The following ANXA3 variants were observed in gnomAD, a reference collection of about 807,000 sequenced individuals.
ANXA3 encodes the protein 35-alpha calcimedin.
In ANXA3, 46 loss-of-function variants were observed where a neutral mutation model predicts 48.8. The ratio of observed to expected loss-of-function variants is 0.94; its 90% CI spans 0.74 to 1.21. The LOEUF is 1.21. Among genes scored for constraint, ANXA3 ranks in the 50% most tolerant of loss-of-function variants. The probability of loss-of-function intolerance (pLI) is 0.00; values close to 1 mark genes in which losing one functional copy is unlikely to be tolerated. For missense variants in ANXA3, 383 were observed against 378.6 expected (o/e 1.01, Z -0.10); for synonymous variants, 128 against 134.7 (o/e 0.95, Z 0.35).
At position 78,578,168 on chromosome 4, in the gene ANXA3, C is replaced by G. The variant is rs546322875; in HGVS notation, c.104-859C>G. On this transcript the variant is annotated intron_variant, in intron 3 of 12. Transcript: ENST00000264908. ...TGATTGCACATGCCTGTAATCCCAGCTACTTGGGAGACTGAGGCAGGAGAA... is the reference window on the plus strand; with the variant it reads ...TGATTGCACATGCCTGTAATCCCAGGTACTTGGGAGACTGAGGCAGGAGAA... 2.0e-4 allele frequency among the ~76,000 whole-genome samples: 31 copies of G among 151,768 alleles called. 1 individual carries two copies. The highest frequency in any genetic ancestry group is 2.6e-4 in the Non-Finnish European group (18 of 67,952).
At chr4:78,578,836 C>T (rs1200907400) in intron 3 of ANXA3, among the ~76,000 whole-genome samples, 191 bp from the exon 4 acceptor site, 1 of 146,198 alleles carries the variant, frequency 6.8e-6, no homozygotes, top group African/African-American at 2.6e-5. Context: ...TTTTTTTTTC[C>T]AAAACTCAGG....
chr4:78,588,220 C>A (rs1995062), intron 6 of ANXA3, among the ~76,000 whole-genome samples: 103,061 of 151,844 alleles, frequency 0.68, 35,196 homozygotes, highest in East Asian at 0.87. Flanking sequence ...GACAAAACCC[C>A]GTCTCTATAA....
intron 2 of ANXA3, among the ~76,000 whole-genome samples, chr4:78,563,128 C>G (rs1050285308): frequency 1.3e-5 from 2 of 152,126 alleles, no homozygotes; most frequent in African/African-American, 2.4e-5. Flanking sequence ...AAATTTGCTG[C>G]AACTTCTTGT....
At chr4:78,595,464 C>T (rs890296103) in intron 8 of ANXA3, 27 bp downstream of exon 8, 1 of 1,611,366 alleles carries the variant, frequency 6.2e-7, no homozygotes, top group Non-Finnish European at 8.5e-7. Flanking sequence ...GAAAACATTT[C>T]CTTTACCTAT....
chr4:78,597,900 T>C (rs904130974), intron 10 of ANXA3, among the ~76,000 whole-genome samples: 7 of 152,308 alleles, frequency 4.6e-5, no homozygotes, highest in South Asian at 2.1e-4. Flanking sequence ...AGGTGTGAGC[T>C]ACCACATCCA....
intron 12 of ANXA3, among the ~76,000 whole-genome samples, chr4:78,608,156 C>G (rs1031678111): frequency 8.5e-5 from 13 of 152,050 alleles, no homozygotes; most frequent in Non-Finnish European, 4.4e-5. Flanking sequence ...ACATTTTCTG[C>G]CCTTATGGAA....
At chr4:78,565,605 A>G (rs955307731) in intron 2 of ANXA3, among the ~76,000 whole-genome samples, 2 of 152,192 alleles carry the variant, frequency 1.3e-5, no homozygotes, top group African/African-American at 4.8e-5. Context: ...CAAATTGGCG[A>G]TGAGCACAGA....
At chr4:78,597,835 A>T (rs533993756) in intron 10 of ANXA3, among the ~76,000 whole-genome samples, 13 of 152,080 alleles carry the variant, frequency 8.5e-5, no homozygotes, top group Middle Eastern at 6.8e-3. Flanking sequence ...GCTGGTCGTG[A>T]ACTCCTGAGC....
At chr4:78,597,848 A>G (rs1040437754) in intron 10 of ANXA3, among the ~76,000 whole-genome samples, 1 of 152,118 alleles carries the variant, frequency 6.6e-6, no homozygotes, top group Non-Finnish European at 1.5e-5. Context: ...TCCTGAGCTC[A>G]AGCAATCCAT....
chr4:78,562,173 A>T (rs1375601187), intron 2 of ANXA3, among the ~76,000 whole-genome samples: 2 of 152,184 alleles, frequency 1.3e-5, no homozygotes, highest in Non-Finnish European at 2.9e-5. Flanking sequence ...AAAGTGGAGA[A>T]GGTATGATTT....
intron 2 of ANXA3, among the ~76,000 whole-genome samples, chr4:78,561,735 G>A (rs1480164362): frequency 2.0e-5 from 3 of 152,006 alleles, no homozygotes; most frequent in East Asian, 1.9e-4. Context: ...AGCAGAACAG[G>A]CATCTTTCCT....
rs17003373 is a variant in ANXA3, at chr4:78,590,667, G to A, written c.404-877G>A. 8.7e-3 allele frequency among the ~76,000 whole-genome samples: 1,327 copies of A among 152,172 alleles called. 23 individuals are homozygous for A. Among genetic ancestry groups the A allele is most frequent in the African/African-American group, 0.03 (1,238 of 41,468 alleles). On this transcript the variant is annotated intron_variant, in intron 6 of 12. Coordinates refer to ENST00000264908, the MANE Select transcript of ANXA3 (RefSeq NM_005139.3). The stretch of plus-strand genomic sequence containing the variant: ...ATGCAAAAGGGGCTACAACTAGTCA[G>A]TACTAAAATATATGAACACACAGTT...
chr4:78,572,059 T>G (rs1446206230), intron 2 of ANXA3, among the ~76,000 whole-genome samples: 1 of 152,192 alleles, frequency 6.6e-6, no homozygotes, highest in Admixed American at 6.5e-5. Context: ...TAAACCACAG[T>G]TACTTCTGTG....
intron 7 of ANXA3, among the ~76,000 whole-genome samples, chr4:78,592,541 CTGTT>C (rs1723321738): frequency 6.6e-6 from 1 of 152,188 alleles, no homozygotes; most frequent in African/African-American, 2.4e-5. Flanking sequence ...AAGTGCACAT[CTGTT>C]TGTGTATGGA....
intron 8 of ANXA3, 103 bp downstream of exon 8, chr4:78,595,540 CTT>C (rs112477936): frequency 3.0e-3 from 2,893 of 969,114 alleles, no homozygotes; most frequent in East Asian, 4.3e-3. Context: ...AGGGACTTTT[CTT>C]TTTTTTTTTT....
Position 78,610,071 on chromosome 4 carries a change from G to T in ANXA3, c.928G>T (p.Asp310Tyr), listed in dbSNP as rs1320360026. Residue 310 changes from aspartate (D) to tyrosine (Y), a missense_variant, in exon 13 of 13, where the codon GAC becomes TAC. By Grantham distance (160) the Asp-to-Tyr change is radical. Coordinates refer to ENST00000264908, the MANE Select transcript of ANXA3 (RefSeq NM_005139.3). ...TTCTTTGCAGTCGGATACTTCTGGAGACTATGAAATCACACTCTTAAAAAT... is the reference window on the plus strand; with the variant it reads ...TTCTTTGCAGTCGGATACTTCTGGATACTATGAAATCACACTCTTAAAAAT... ...YSAIKSDTSGDYEITLLKICG... is the reference protein window; with the variant it reads ...YSAIKSDTSGYYEITLLKICG... The T allele has an allele frequency of 1.2e-6, 2 of 1,610,412 alleles. No individual in the cohort carries two copies. Among genetic ancestry groups the T allele is most frequent in the Admixed American group, 1.7e-5 (1 of 59,794 alleles).
rs112477936 is a variant in ANXA3, at chr4:78,595,540, C to CTTTTTT, written c.540+111_540+116dup. 6.0e-3 allele frequency: 5,909 copies of CTTTTTT among 991,612 alleles called. 242 individuals are homozygous for CTTTTTT. The African/African-American group carries it at 0.095, about 16-fold the overall frequency. 61.4% of individuals were successfully genotyped at this position (991,612 alleles called of 1,614,324 possible). A position where few individuals can be genotyped will look rare whatever the true frequency, so the allele number is the denominator to read the frequency against. On this transcript the variant is annotated intron_variant, in intron 8 of 12. Transcript: ENST00000264908. Reference sequence around the variant, plus strand: ...AAAAATAGCAGCAACAGGGACTTTTCTTTTTTTTTTTTTCCTGTTTGAAAG... The same window carrying CTTTTTT: ...AAAAATAGCAGCAACAGGGACTTTTCTTTTTTTTTTTTTTTTTTTCCTGTTTGAAAG...
intron 5 of ANXA3, among the ~76,000 whole-genome samples, chr4:78,583,152 A>C (rs1723106629): frequency 6.7e-6 from 1 of 148,348 alleles, no homozygotes; most frequent in Non-Finnish European, 1.5e-5. Flanking sequence ...CAGCCTGGGC[A>C]ACTTGGAGAA....
intron 7 of ANXA3, among the ~76,000 whole-genome samples, chr4:78,593,350 A>G (rs991586922): frequency 6.6e-6 from 1 of 151,646 alleles, no homozygotes; most frequent in Non-Finnish European, 1.5e-5. Context: ...TTACAGGCAC[A>G]CGCCACCACA....
Sources: gnomAD v4.1 joint callset for allele counts (sites outside exome capture counted in the v4.1 genomes callset) on GRCh38, gnomAD v4.1.1 for gene constraint, MANE v1.5 for transcripts, NCBI Gene and HGNC (gene_info 2026-07-23, HGNC 2026-07-21) for gene names.